DNM2: variants seen among roughly 807,000 people sequenced by gnomAD.
DNM2 encodes the protein dynamin 2.
Under a neutral mutation model 99.0 loss-of-function variants are expected in DNM2, and 15 were observed. The ratio of observed to expected loss-of-function variants is 0.15; its 90% CI spans 0.10 to 0.23. DNM2 has a LOEUF of 0.23. Among genes scored for constraint, DNM2 ranks in the 10% least tolerant of loss-of-function variants. The probability of loss-of-function intolerance (pLI) is 1.00; values close to 1 mark genes in which losing one functional copy is unlikely to be tolerated. For synonymous variants in DNM2, 525 were observed against 481.2 expected, an observed-to-expected ratio of 1.09 and a Z score of -1.19; for missense variants, 742 against 1,189.4, an observed-to-expected ratio of 0.62 and a Z score of 5.53.
chr19:10,776,822 C>T (rs1359943062), intron 4 of DNM2, among the ~76,000 whole-genome samples: 1 of 152,226 alleles, frequency 6.6e-6, no homozygotes, highest in Non-Finnish European at 1.5e-5. Flanking sequence ...TGAGGTTTCC[C>T]AAAGCCTGCA....
intron 12 of DNM2, among the ~76,000 whole-genome samples, chr19:10,804,741 C>G (rs1166075534): frequency 1.3e-5 from 2 of 152,136 alleles, no homozygotes; most frequent in Non-Finnish European, 2.9e-5. Flanking sequence ...AATAAACTTA[C>G]TGAATGTTGG....
intron 11 of DNM2, among the ~76,000 whole-genome samples, chr19:10,801,211 C>CAGG (rs1215263649): frequency 6.6e-6 from 1 of 152,088 alleles, no homozygotes; most frequent in Non-Finnish European, 1.5e-5. Flanking sequence ...AAGACTGAGG[C>CAGG]AGGAGAATTG....
chr19:10,759,636 C>A, intron 1 of DNM2, 102 bp from the exon 2 acceptor site: 1 of 1,459,922 alleles, frequency 6.8e-7, no homozygotes, highest in Admixed American at 1.7e-5. Flanking sequence ...TTGCTGAGGT[C>A]GCCCAAATTG....
intron 1 of DNM2, among the ~76,000 whole-genome samples, chr19:10,750,529 T>C (rs548930612): frequency 2.0e-5 from 3 of 152,140 alleles, no homozygotes; most frequent in Admixed American, 6.5e-5. Flanking sequence ...TAGTCATAGC[T>C]ACTCAGGAGG....
intron 1 of DNM2, among the ~76,000 whole-genome samples, chr19:10,723,237 C>T (rs2069001038): frequency 1.3e-5 from 2 of 151,634 alleles, no homozygotes; most frequent in South Asian, 4.2e-4. Context: ...GGTTTCAAGC[C>T]ATTCTCCTGC....
At position 10,799,107 on chromosome 19, in the gene DNM2, G is replaced by T. The variant is rs980221444; in HGVS notation, c.1422+535G>T. 2.0e-5 allele frequency among the ~76,000 whole-genome samples: 3 copies of T among 152,264 alleles called. No individual in the cohort carries two copies. In the South Asian group the frequency reaches 6.2e-4, roughly 32 times the overall value. On this transcript the variant is annotated intron_variant, in intron 11 of 20. Transcript: ENST00000389253. The stretch of plus-strand genomic sequence containing the variant: ...CCAGGCGTGGTGGCGCATGCCTGTG[G>T]TCCCAGTTACTTGGGAGGGTGAGGT...
intron 1 of DNM2, among the ~76,000 whole-genome samples, chr19:10,746,840 G>A (rs1321473679): frequency 6.8e-6 from 1 of 147,054 alleles, no homozygotes; most frequent in Non-Finnish European, 1.5e-5. Context: ...GGGTTCAAGC[G>A]GTTTTCCTGC....
At chr19:10,788,459 T>C (rs777343872) in intron 7 of DNM2, among the ~76,000 whole-genome samples, 2 of 152,054 alleles carry the variant, frequency 1.3e-5, no homozygotes, top group African/African-American at 4.8e-5. Flanking sequence ...AGGGAGGACA[T>C]TGGCTTTTGC....
At position 10,811,731 on chromosome 19, in the gene DNM2, C is replaced by T. The variant is rs1026900982; in HGVS notation, c.1558-533C>T. On this transcript the variant is annotated intron_variant, in intron 14 of 20. Coordinates refer to ENST00000389253, the MANE Select transcript of DNM2 (RefSeq NM_001005361.3). The surrounding 1 kb of genome is among the most constrained non-coding windows in gnomAD (Gnocchi z 5.4). ...CAGATGACAGCTACAGCCACACAATCCCCATCCATGGGGTCTCCCAGCCTG... is the reference window on the plus strand; with the variant it reads ...CAGATGACAGCTACAGCCACACAATTCCCATCCATGGGGTCTCCCAGCCTG... The T allele has an allele frequency of 5.8e-6, 3 of 518,482 alleles. No individual in the cohort carries two copies. The highest frequency in any genetic ancestry group is 3.9e-5 in the African/African-American group (2 of 51,940). 32.1% of individuals were successfully genotyped at this position (518,482 alleles called of 1,614,324 possible).
chr19:10,755,443 G>C (rs2070348037), intron 1 of DNM2: 1 of 151,084 alleles, frequency 6.6e-6, no homozygotes, highest in East Asian at 1.9e-4. Flanking sequence ...AGCGCCGCAT[G>C]GTTTCTGAGA....
intron 1 of DNM2, among the ~76,000 whole-genome samples, chr19:10,757,246 G>A (rs2070421914): frequency 6.6e-6 from 1 of 151,358 alleles, no homozygotes; most frequent in African/African-American, 2.4e-5. Flanking sequence ...CCCCGCCGAG[G>A]GCTTGGGCTG....
intron 16 of DNM2, chr19:10,823,457 C>A (rs2073048736): frequency 6.7e-6 from 2 of 298,256 alleles, no homozygotes; most frequent in African/African-American, 2.1e-5. Context: ...GTGGACAGTG[C>A]TGCTCTGGGC....
At chr19:10,730,182 A>G (rs2069262362) in intron 1 of DNM2, among the ~76,000 whole-genome samples, 1 of 152,132 alleles carries the variant, frequency 6.6e-6, no homozygotes. Flanking sequence ...ATATTTGTTG[A>G]ATGAAAGTAG....
chr19:10,805,341 G>C (rs560186034), intron 12 of DNM2, among the ~76,000 whole-genome samples: 1 of 152,184 alleles, frequency 6.6e-6, no homozygotes, highest in African/African-American at 2.4e-5. Flanking sequence ...ATGATGAGAA[G>C]AGTAGGAAGA....
intron 11 of DNM2, 110 bp downstream of exon 11, chr19:10,798,682 A>G (rs2072027024): frequency 1.7e-6 from 2 of 1,191,948 alleles, no homozygotes; most frequent in African/African-American, 1.5e-5. Context: ...CCTTACCTCA[A>G]TCAAGATACA....
intron 1 of DNM2, among the ~76,000 whole-genome samples, chr19:10,720,777 A>G (rs1286117129): frequency 6.6e-6 from 1 of 152,222 alleles, no homozygotes; most frequent in African/African-American, 2.4e-5. Flanking sequence ...ACTGCCTGGC[A>G]CATAGTAGGT....
At chr19:10,731,066 A>T (rs970294301) in intron 1 of DNM2, among the ~76,000 whole-genome samples, 1 of 152,026 alleles carries the variant, frequency 6.6e-6, no homozygotes, top group African/African-American at 2.4e-5. Context: ...CAGGGCTGCG[A>T]TCCTGGCGGG....
At chr19:10,733,356 A>AT (rs979976932) in intron 1 of DNM2, among the ~76,000 whole-genome samples, 35 of 142,436 alleles carry the variant, frequency 2.5e-4, no homozygotes, top group Middle Eastern at 3.9e-3. Context: ...AATGGCCGGC[A>AT]TTTTTTTTTT....
intron 2 of DNM2, among the ~76,000 whole-genome samples, chr19:10,768,285 C>T (rs1209121147): frequency 6.6e-6 from 1 of 152,042 alleles, no homozygotes; most frequent in Middle Eastern, 3.2e-3. Context: ...AACCATGTCT[C>T]CACTAAAAAT....
Sources: gnomAD v4.1 joint callset for allele counts (sites outside exome capture counted in the v4.1 genomes callset) on GRCh38, gnomAD v4.1.1 for gene constraint, Gnocchi (gnomAD v3.1) non-coding constraint, MANE v1.5 for transcripts, NCBI Gene and HGNC (gene_info 2026-07-23, HGNC 2026-07-21) for gene names.